The following ATRNL1 variants were observed in gnomAD, a reference collection of about 807,000 sequenced individuals.
ATRNL1 encodes the protein attractin like 1, also known as attractin-like protein 1.
Under a neutral mutation model 182.7 loss-of-function variants are expected in ATRNL1, and 95 were observed. The observed-to-expected ratio is 0.52, with a 90% CI of 0.44 to 0.62. The LOEUF (loss-of-function observed/expected upper bound fraction) is 0.62. ATRNL1 is among the 20% of genes least tolerant of loss of function. The probability of loss-of-function intolerance (pLI) is 0.00; values close to 1 mark genes in which losing one functional copy is unlikely to be tolerated. For synonymous variants in ATRNL1, 576 were observed against 568.3 expected, an observed-to-expected ratio of 1.01 and a Z score of -0.19; for missense variants, 1,471 against 1,679.5, an observed-to-expected ratio of 0.88 and a Z score of 2.17.
In ATRNL1 at chr10:115,313,937, C is replaced by T. The variant is rs541134672; in HGVS notation, c.2819-1581C>T. On this transcript the variant is annotated intron_variant, in intron 17 of 28. Transcript: ENST00000355044. ...TACTTTTGAAAACAATTAGAATAAA[C>T]TAGTTAACAATACTGTGGGCTAACT... Among the ~76,000 whole-genome samples the T allele has an allele frequency of 5.9e-5, 9 of 152,168 alleles. No homozygotes were observed. The East Asian group carries it at 1.7e-3, about 29-fold the overall frequency.
intron 26 of ATRNL1, among the ~76,000 whole-genome samples, chr10:115,679,534 T>A (rs1356602009): frequency 1.3e-5 from 2 of 152,108 alleles, no homozygotes; most frequent in Admixed American, 1.3e-4. Context: ...ACATTGGGAC[T>A]ATCTGACTTC....
At chr10:115,443,848 T>C (rs1000197146) in intron 21 of ATRNL1, among the ~76,000 whole-genome samples, 1 of 152,158 alleles carries the variant, frequency 6.6e-6, no homozygotes, top group African/African-American at 2.4e-5. Context: ...AAAATTGTTT[T>C]AACGGAAGTC....
At chr10:115,935,392 C>T (rs1335989520) in intron 28 of ATRNL1, among the ~76,000 whole-genome samples, 2 of 152,080 alleles carry the variant, frequency 1.3e-5, no homozygotes, top group African/African-American at 2.4e-5. Context: ...ATCATTATTG[C>T]TTTTATTACT....
intron 26 of ATRNL1, among the ~76,000 whole-genome samples, chr10:115,579,022 C>T (rs1555006309): frequency 6.8e-6 from 1 of 147,042 alleles, no homozygotes; most frequent in East Asian, 2.2e-4. Flanking sequence ...CATTTTTCTA[C>T]TCTTATTGAT....
intron 28 of ATRNL1, among the ~76,000 whole-genome samples, chr10:115,893,039 A>G (rs1288557475): frequency 2.0e-5 from 3 of 152,204 alleles, no homozygotes; most frequent in East Asian, 1.9e-4. Flanking sequence ...TAAACAGACT[A>G]TGCTTCATTG....
chr10:115,811,292 A>T (rs1293291244), intron 27 of ATRNL1, among the ~76,000 whole-genome samples: 2 of 151,816 alleles, frequency 1.3e-5, no homozygotes, highest in African/African-American at 4.8e-5. Context: ...CCAGATTTTT[A>T]AATTTATTTT....
At chr10:115,854,268 C>G (rs1951125658) in intron 28 of ATRNL1, among the ~76,000 whole-genome samples, 1 of 152,198 alleles carries the variant, frequency 6.6e-6, no homozygotes, top group African/African-American at 2.4e-5. Context: ...TTCCTCAATT[C>G]TCGCATCTCT....
chr10:115,202,124 A>C (rs1404362988), intron 8 of ATRNL1, among the ~76,000 whole-genome samples: 1 of 152,108 alleles, frequency 6.6e-6, no homozygotes, highest in Non-Finnish European at 1.5e-5. Flanking sequence ...GCTTAAGGAG[A>C]TATTGGGCTG....
chr10:115,916,933 G>A (rs1952873351), intron 28 of ATRNL1, among the ~76,000 whole-genome samples: 1 of 152,146 alleles, frequency 6.6e-6, no homozygotes, highest in African/African-American at 2.4e-5. Context: ...CTCAGGACTG[G>A]CCCCCTGTCA....
At chr10:115,878,420 A>G (rs531699695) in intron 28 of ATRNL1, among the ~76,000 whole-genome samples, 2 of 152,234 alleles carry the variant, frequency 1.3e-5, no homozygotes, top group Admixed American at 6.5e-5. Context: ...GTGGACAAGA[A>G]GCCTCAATAT....
At chr10:115,177,925 T>TTTTTTTTTTTTG (rs1847592837) in intron 8 of ATRNL1, among the ~76,000 whole-genome samples, 3 of 24,724 alleles carry the variant, frequency 1.2e-4, no homozygotes, top group Non-Finnish European at 4.4e-4. Context: ...TTTTTTTTTG[T>TTTTTTTTTTTTG]TTTTTTTTTT....
chr10:115,480,901 A>T (rs1410525699), intron 24 of ATRNL1, among the ~76,000 whole-genome samples: 1 of 151,092 alleles, frequency 6.6e-6, no homozygotes, highest in East Asian at 1.9e-4. Flanking sequence ...ATTAGGTGAG[A>T]TGGTATAAAT....
chr10:115,943,531 G>A (rs1472304935), intron 28 of ATRNL1, among the ~76,000 whole-genome samples: 2 of 152,030 alleles, frequency 1.3e-5, no homozygotes, highest in Admixed American at 6.5e-5. Flanking sequence ...ACAAATGCTG[G>A]TGAGGTTGTG....
intron 28 of ATRNL1, among the ~76,000 whole-genome samples, chr10:115,880,266 G>A (rs1210523748): frequency 6.6e-6 from 1 of 152,150 alleles, no homozygotes; most frequent in Non-Finnish European, 1.5e-5. Flanking sequence ...GCCTGGCCAT[G>A]GGAGAGGGTG....
At position 115,806,824 on chromosome 10, in the gene ATRNL1, A is replaced by G. The variant is rs544025403; in HGVS notation, c.3904-41053A>G. On this transcript the variant is annotated intron_variant, in intron 27 of 28. Coordinates refer to ENST00000355044, the MANE Select transcript of ATRNL1 (RefSeq NM_207303.4). ...AGATGCAAATTATAATAACACTTAT[A>G]GGGTTCGTATGAGGATTAAATTAGT... is the stretch of plus-strand genomic sequence containing the variant. 1.9e-3 allele frequency among the ~76,000 whole-genome samples: 283 copies of G among 152,268 alleles called. 11 individuals are homozygous for G. The South Asian group carries it at 0.049, about 26-fold the overall frequency.
At chr10:115,469,055 A>G (rs1482023159) in intron 23 of ATRNL1, 117 bp from the exon 24 acceptor site, 4 of 372,268 alleles carry the variant, frequency 1.1e-5, no homozygotes, top group Non-Finnish European at 1.9e-5. Flanking sequence ...TCAAAATTAT[A>G]AACAGTATAT....
intron 15 of ATRNL1, among the ~76,000 whole-genome samples, chr10:115,288,607 C>T (rs937834401): frequency 4.0e-5 from 6 of 151,646 alleles, no homozygotes; most frequent in Admixed American, 1.3e-4. Context: ...CTGCAACCTC[C>T]GTATCCTGGG....
chr10:115,592,623 A>G (rs1855979133), intron 26 of ATRNL1, among the ~76,000 whole-genome samples: 1 of 152,170 alleles, frequency 6.6e-6, no homozygotes, highest in African/African-American at 2.4e-5. Flanking sequence ...GAACTCATAT[A>G]ATATGTGGTC....
At chr10:115,525,884 A>G (rs1851186945) in intron 25 of ATRNL1, among the ~76,000 whole-genome samples, 1 of 152,066 alleles carries the variant, frequency 6.6e-6, no homozygotes, top group Non-Finnish European at 1.5e-5. Context: ...TCATACTTCC[A>G]TGGCTCCTGC....
Sources: allele counts gnomAD v4.1 joint callset (sites outside exome capture counted in the v4.1 genomes callset), GRCh38; gene constraint gnomAD v4.1.1; transcripts MANE v1.5; gene names NCBI Gene and HGNC (gene_info 2026-07-23, HGNC 2026-07-21).